SPAG16: variants seen among roughly 807,000 people sequenced by gnomAD.
SPAG16 encodes the protein sperm associated antigen 16, also known as sperm-associated antigen 16 protein.
Under a neutral mutation model 80.4 loss-of-function variants are expected in SPAG16, and 86 were observed. The ratio of observed to expected loss-of-function variants is 1.07; its 90% CI spans 0.90 to 1.28. SPAG16 has a LOEUF of 1.28. SPAG16 is among the 50% of genes most tolerant of loss of function. The probability of loss-of-function intolerance (pLI) is 0.00; values close to 1 mark genes in which losing one functional copy is unlikely to be tolerated. For synonymous variants in SPAG16, 294 were observed against 265.9 expected, an observed-to-expected ratio of 1.11 and a Z score of -1.03; for missense variants, 870 against 765.3, an observed-to-expected ratio of 1.14 and a Z score of -1.61.
intron 8 of SPAG16, among the ~76,000 whole-genome samples, chr2:213,368,923 C>T (rs1475888971): frequency 6.6e-6 from 1 of 152,126 alleles, no homozygotes; most frequent in African/African-American, 2.4e-5. Flanking sequence ...AGGACACAAA[C>T]AAATGGAAGA....
intron 8 of SPAG16, among the ~76,000 whole-genome samples, chr2:213,368,141 G>T (rs1208751206): frequency 1.8e-4 from 28 of 152,118 alleles, no homozygotes; most frequent in African/African-American, 6.0e-4. Context: ...TGTTCCATTG[G>T]TCTATATCTC....
intron 10 of SPAG16, among the ~76,000 whole-genome samples, chr2:213,498,454 T>C (rs1201091277): frequency 2.0e-5 from 3 of 152,172 alleles, no homozygotes; most frequent in African/African-American, 7.2e-5. Flanking sequence ...TATCATTAAA[T>C]TTTTCATATT....
chr2:213,613,055 A>G (rs1201900024), intron 10 of SPAG16, among the ~76,000 whole-genome samples: 1 of 152,166 alleles, frequency 6.6e-6, no homozygotes, highest in Non-Finnish European at 1.5e-5. Flanking sequence ...AGGGAAACCT[A>G]TTGGGTTTCT....
At chr2:213,320,270 G>T (rs1321418216) in intron 5 of SPAG16, among the ~76,000 whole-genome samples, 1 of 151,792 alleles carries the variant, frequency 6.6e-6, no homozygotes, top group Non-Finnish European at 1.5e-5. Flanking sequence ...GTGATATTTT[G>T]ATACATATGT....
chr2:214,246,335 C>T (rs954406371), intron 15 of SPAG16, among the ~76,000 whole-genome samples: 1 of 152,140 alleles, frequency 6.6e-6, no homozygotes, highest in Admixed American at 6.6e-5. Context: ...TTCTCTTCCA[C>T]AATGTCACGA....
chr2:213,682,656 A>G (rs1280034374), intron 10 of SPAG16, among the ~76,000 whole-genome samples: 2 of 151,994 alleles, frequency 1.3e-5, no homozygotes, highest in African/African-American at 2.4e-5. Flanking sequence ...GACAGAGGGT[A>G]GGTTATCTCA....
At chr2:213,692,146 A>G (rs986384453) in intron 10 of SPAG16, among the ~76,000 whole-genome samples, 1 of 152,220 alleles carries the variant, frequency 6.6e-6, no homozygotes, top group Non-Finnish European at 1.5e-5. Context: ...GCCTCTGGGT[A>G]GTGATTTTAG....
At chr2:214,165,469 C>CT (rs67726428) in intron 15 of SPAG16, among the ~76,000 whole-genome samples, 1 of 37,842 alleles carries the variant, frequency 2.6e-5, no homozygotes, top group African/African-American at 1.4e-4. Context: ...CATCACCATC[C>CT]TTTTTTTTTT....
chr2:213,388,351 G>C (rs1450369162), intron 9 of SPAG16, among the ~76,000 whole-genome samples: 2 of 152,100 alleles, frequency 1.3e-5, no homozygotes, highest in East Asian at 3.9e-4. Flanking sequence ...GATTTCCAGG[G>C]ACTTAAAGGG....
chr2:213,365,688 C>G (rs2066241536), intron 8 of SPAG16, among the ~76,000 whole-genome samples: 1 of 151,804 alleles, frequency 6.6e-6, no homozygotes, highest in South Asian at 2.1e-4. Flanking sequence ...GAACTCCTGT[C>G]TTGAAGTGAT....
chr2:213,899,299 A>C (rs529139140), intron 11 of SPAG16, among the ~76,000 whole-genome samples: 40 of 152,250 alleles, frequency 2.6e-4, no homozygotes, highest in Non-Finnish European at 4.6e-4. Context: ...TGAAAGAGGA[A>C]TTATTTGAAT....
intron 9 of SPAG16, among the ~76,000 whole-genome samples, chr2:213,421,312 G>C (rs559145340): frequency 6.6e-6 from 1 of 152,238 alleles, no homozygotes; most frequent in East Asian, 1.9e-4. Flanking sequence ...TTGGGGTGGT[G>C]CCGACTCACC....
At chr2:214,230,138 T>C (rs2125798384) in intron 15 of SPAG16, among the ~76,000 whole-genome samples, 1 of 152,076 alleles carries the variant, frequency 6.6e-6, no homozygotes, top group East Asian at 1.9e-4. Context: ...TTTAATTATT[T>C]CACAACAGTG....
intron 13 of SPAG16, among the ~76,000 whole-genome samples, chr2:214,028,637 G>A (rs1302601523): frequency 6.6e-6 from 1 of 151,960 alleles, no homozygotes; most frequent in South Asian, 2.1e-4. Context: ...GGATATTTAA[G>A]AGTATTATTA....
chr2:213,387,985 G>C (rs2067538170), intron 9 of SPAG16, among the ~76,000 whole-genome samples: 2 of 152,122 alleles, frequency 1.3e-5, no homozygotes, highest in African/African-American at 4.8e-5. Flanking sequence ...AATGGCACTA[G>C]CAAAATCTGT....
intron 10 of SPAG16, among the ~76,000 whole-genome samples, chr2:213,823,270 C>T (rs2073064370): frequency 6.6e-6 from 1 of 152,182 alleles, no homozygotes; most frequent in Non-Finnish European, 1.5e-5. Context: ...GCCATTCTGA[C>T]TGGCATGAGA....
intron 13 of SPAG16, among the ~76,000 whole-genome samples, chr2:214,032,787 A>G (rs1228102966): frequency 1.3e-5 from 2 of 152,236 alleles, no homozygotes; most frequent in Non-Finnish European, 2.9e-5. Flanking sequence ...GAGGCATACC[A>G]AGTGTTTCTG....
chr2:213,375,931 T>C (rs1233107572), intron 9 of SPAG16, among the ~76,000 whole-genome samples: 2 of 150,604 alleles, frequency 1.3e-5, no homozygotes, highest in African/African-American at 4.8e-5. Context: ...ATAAAATATT[T>C]ATACAATGAA....
intron 12 of SPAG16, among the ~76,000 whole-genome samples, chr2:214,006,867 G>A (rs1510548): frequency 0.24 from 36,142 of 152,082 alleles, 5,088 homozygotes; most frequent in South Asian, 0.57. Flanking sequence ...CTTCCCTTGA[G>A]CTATGTGAAG....
Sources: gnomAD v4.1 joint callset for allele counts (sites outside exome capture counted in the v4.1 genomes callset) on GRCh38, gnomAD v4.1.1 for gene constraint, MANE v1.5 for transcripts, NCBI Gene and HGNC (gene_info 2026-07-23, HGNC 2026-07-21) for gene names.